The following PATJ variants were observed in gnomAD, a reference collection of about 807,000 sequenced individuals.
PATJ encodes the protein inaD-like protein.
PATJ carries 190 observed loss-of-function variants against 224.9 expected under a neutral mutation model. That is an observed-to-expected ratio of 0.84 (90% confidence interval 0.75 to 0.95). PATJ has a LOEUF of 0.95. Ranked by LOEUF, PATJ falls within the 40% of genes least tolerant of loss-of-function variation. PATJ has a pLI of 0.00. For missense variants in PATJ, 2,121 were observed against 2,270.3 expected (o/e 0.93, Z 1.34); for synonymous variants, 769 against 820.3 (o/e 0.94, Z 1.07).
intron 30 of PATJ, among the ~76,000 whole-genome samples, chr1:62,050,243 A>G (rs1653361771): frequency 6.6e-6 from 1 of 152,204 alleles, no homozygotes; most frequent in Non-Finnish European, 1.5e-5. Context: ...GTTTAGTCAT[A>G]TACAAAAAAC....
At chr1:61,758,115 A>T (rs994114544) in intron 1 of PATJ, among the ~76,000 whole-genome samples, 1 of 152,148 alleles carries the variant, frequency 6.6e-6, no homozygotes, top group African/African-American at 2.4e-5. Flanking sequence ...CTTCATCTGA[A>T]TGTGAAATCT....
rs1668498882 is a variant in PATJ, at chr1:61,884,284, CCT to C, written c.3008_3009del (p.Pro1003ArgfsTer35). 1.2e-6 allele frequency: 2 copies of C among 1,613,382 alleles called. No individual in the cohort carries two copies. The highest frequency in any genetic ancestry group is 1.7e-6 in the Non-Finnish European group (2 of 1,179,836). Reference sequence around the variant, plus strand: ...AGGTCCTAGCTTGCTCATTGACCTTCCTGTTGTGGCTCAAAGGAGGGAGCAAG... The same window carrying C: ...AGGTCCTAGCTTGCTCATTGACCTTCGTTGTGGCTCAAAGGAGGGAGCAAG... ...VQGPSLLIDLPVVAQRREQED... is the reference protein window; with the variant it reads ...VQGPSLLIDLXVVAQRREQED... On this transcript the variant is annotated frameshift_variant, in exon 22 of 44. Coordinates refer to ENST00000642238, the MANE Select transcript of PATJ (RefSeq NM_001350145.3). LOFTEE classifies it high-confidence loss of function.
intron 43 of PATJ, among the ~76,000 whole-genome samples, chr1:62,155,134 G>A (rs954004524): frequency 3.9e-5 from 6 of 152,194 alleles, no homozygotes; most frequent in Non-Finnish European, 8.8e-5. Context: ...CAGCTATGTA[G>A]ATAAGGACAG....
In PATJ at chr1:61,871,555, ATATTT is replaced by A. The variant is rs1284955401; in HGVS notation, c.2836-3686_2836-3682del. Among the ~76,000 whole-genome samples the A allele has an allele frequency of 4.7e-3, 274 of 57,968 alleles. 2 individuals carry two copies. Among genetic ancestry groups the A allele is most frequent in the African/African-American group, 0.018 (257 of 14,358 alleles). 38.0% of individuals were successfully genotyped at this position (57,968 alleles called of 152,430 possible). On this transcript the variant is annotated intron_variant, in intron 20 of 43. Transcript: ENST00000642238. ...TGTGTGTGTGTATATATATATATATATATTTTTTTTTTTTTTTTTTTTTTTGAGAT... is the reference window on the plus strand; with the variant it reads ...TGTGTGTGTGTATATATATATATATATTTTTTTTTTTTTTTTTTTTGAGAT...
At chr1:61,767,424 A>G (rs1419702839) in intron 4 of PATJ, among the ~76,000 whole-genome samples, 1 of 152,074 alleles carries the variant, frequency 6.6e-6, no homozygotes, top group Non-Finnish European at 1.5e-5. Flanking sequence ...CTGTAGCTCC[A>G]GGTACCTAGG....
chr1:62,063,632 C>A (rs554625994), intron 31 of PATJ, among the ~76,000 whole-genome samples: 2 of 152,284 alleles, frequency 1.3e-5, no homozygotes, highest in East Asian at 3.9e-4. Flanking sequence ...TTCATCCAGT[C>A]CATGAGCATA....
intron 10 of PATJ, among the ~76,000 whole-genome samples, chr1:61,796,432 A>G (rs1022940645): frequency 2.2e-4 from 33 of 152,362 alleles, no homozygotes; most frequent in African/African-American, 7.9e-4. Context: ...TGACCTCTTC[A>G]GTTTTGATAA....
Position 62,114,176 on chromosome 1 carries a change from T to G in PATJ, c.4585T>G (p.Leu1529Val). The stretch of plus-strand genomic sequence containing the variant: ...GGCACACTACCGGGATGAGGAGAAC[T>G]TGGAGATTTTCCCTGTGGATCTGCA... The part of the protein sequence containing the change: ...DEAHYRDEEN[L>V]EIFPVDLQKK... The change falls in exon 35 of 44, where the codon TTG becomes GTG. Residue 1529 changes from leucine (L) to valine (V), a missense_variant. Transcript: ENST00000642238. 1.2e-6 allele frequency: 2 copies of G among 1,614,030 alleles called. No homozygotes were observed. The highest frequency in any genetic ancestry group is 1.7e-6 in the Non-Finnish European group (2 of 1,179,970).
intron 43 of PATJ, among the ~76,000 whole-genome samples, chr1:62,154,658 A>AG (rs1048324678): frequency 9.2e-5 from 14 of 151,434 alleles, no homozygotes; most frequent in Admixed American, 3.3e-4. Context: ...TCAAAAAAAA[A>AG]AAAAAGAAAA....
intron 39 of PATJ, among the ~76,000 whole-genome samples, chr1:62,124,508 T>G (rs1665469584): frequency 6.6e-6 from 1 of 152,234 alleles, no homozygotes; most frequent in Non-Finnish European, 1.5e-5. Flanking sequence ...CTTCTCTAGA[T>G]TTAATGATAC....
chr1:62,011,655 T>C (rs1646457346), intron 28 of PATJ, among the ~76,000 whole-genome samples: 1 of 151,328 alleles, frequency 6.6e-6, no homozygotes, highest in Non-Finnish European at 1.5e-5. Context: ...AGTCAGCACA[T>C]GCCACTGTAA....
chr1:61,746,986 A>T (rs1645055341), intron 1 of PATJ, among the ~76,000 whole-genome samples: 1 of 152,218 alleles, frequency 6.6e-6, no homozygotes, highest in Admixed American at 6.5e-5. Flanking sequence ...ACTTAACAGC[A>T]TTTAATAATT....
At chr1:61,950,508 G>A (rs778363398) in intron 27 of PATJ, among the ~76,000 whole-genome samples, 1 of 152,138 alleles carries the variant, frequency 6.6e-6, no homozygotes, top group Admixed American at 6.5e-5. Context: ...TGAGCAACTA[G>A]TAGTTCTTTT....
intron 31 of PATJ, among the ~76,000 whole-genome samples, chr1:62,057,652 G>A (rs182197243): frequency 9.2e-5 from 14 of 152,282 alleles, no homozygotes; most frequent in Non-Finnish European, 1.9e-4. Flanking sequence ...GCAATGTATG[G>A]GTTTACTAGG....
intron 29 of PATJ, among the ~76,000 whole-genome samples, chr1:62,034,224 C>G (rs1434441858): frequency 6.6e-6 from 1 of 152,156 alleles, no homozygotes; most frequent in Admixed American, 6.5e-5. Context: ...GGGCAGATCA[C>G]TTGAGGCCAG....
At chr1:62,014,162 C>T (rs1646627491) in intron 28 of PATJ, among the ~76,000 whole-genome samples, 1 of 152,082 alleles carries the variant, frequency 6.6e-6, no homozygotes, top group Non-Finnish European at 1.5e-5. Flanking sequence ...CTGAAGCGAT[C>T]CTCCCACCTC....
At chr1:61,785,131 A>T (rs539595660) in intron 7 of PATJ, among the ~76,000 whole-genome samples, 2 of 152,304 alleles carry the variant, frequency 1.3e-5, no homozygotes, top group South Asian at 4.1e-4. Context: ...CTTCCTTCAG[A>T]TTGTCGTCTT....
chr1:61,984,306 A>G lies in PATJ; in HGVS notation c.3671-5862A>G, dbSNP rs182331568. On this transcript the variant is annotated intron_variant, in intron 27 of 43. Coordinates refer to ENST00000642238, the MANE Select transcript of PATJ (RefSeq NM_001350145.3). The stretch of plus-strand genomic sequence containing the variant: ...CTCCCGATTAGCTGGGATTACAGGC[A>G]TGTGTCACCATGCCATCTAATTTTT... Among the ~76,000 whole-genome samples the G allele has an allele frequency of 2.6e-3, 389 of 151,652 alleles. 4 individuals are homozygous for G. In the South Asian group the frequency reaches 0.052, roughly 20 times the overall value.
At chr1:61,851,740 G>GA (rs1450624335) in intron 17 of PATJ, among the ~76,000 whole-genome samples, 3 of 152,226 alleles carry the variant, frequency 2.0e-5, no homozygotes, top group African/African-American at 7.2e-5. Context: ...GACTTATCAG[G>GA]AAACTGTAGC....
Sources: gnomAD v4.1 joint callset for allele counts (sites outside exome capture counted in the v4.1 genomes callset) on GRCh38, gnomAD v4.1.1 for gene constraint, MANE v1.5 for transcripts, NCBI Gene and HGNC (gene_info 2026-07-23, HGNC 2026-07-21) for gene names.